PIEZO2: variants seen among roughly 807,000 people sequenced by gnomAD.
The protein encoded by PIEZO2 is piezo type mechanosensitive ion channel component 2.
A neutral mutation model predicts 337.3 loss-of-function variants in PIEZO2; 172 were observed. That is an observed-to-expected ratio of 0.51 (90% CI 0.45 to 0.58). The LOEUF is 0.58. Ranked by LOEUF, PIEZO2 falls within the 20% of genes least tolerant of loss-of-function variation. The pLI is 0.00. For synonymous variants in PIEZO2, 1,251 were observed against 1,228.5 expected (o/e 1.02, Z -0.38); for missense variants, 3,028 against 3,391.3 (o/e 0.89, Z 2.66).
intron 2 of PIEZO2, among the ~76,000 whole-genome samples, chr18:10,990,035 A>T (rs1301812501): frequency 6.6e-6 from 1 of 152,108 alleles, no homozygotes; most frequent in East Asian, 1.9e-4. Context: ...GGAATTGGAG[A>T]TATACTAATT....
chr18:10,974,597 A>G (rs2034366680), intron 3 of PIEZO2, among the ~76,000 whole-genome samples: 1 of 152,240 alleles, frequency 6.6e-6, no homozygotes, highest in Non-Finnish European at 1.5e-5. Context: ...CGATGAATAA[A>G]GAGCTCCGTA....
Position 10,682,669 on chromosome 18 carries a change from T to C in PIEZO2, c.7498-377A>G, listed in dbSNP as rs2034319608. ...GGGATTATGTGAGAGAAAGATACTTTACTTTCAATTCCTGAATATTTAAAA... is the reference window on the plus strand; with the variant it reads ...GGGATTATGTGAGAGAAAGATACTTCACTTTCAATTCCTGAATATTTAAAA... On this transcript the variant is annotated intron_variant, in intron 49 of 55. Transcript: ENST00000674853. The surrounding 1 kb of genome is among the most constrained non-coding windows in gnomAD (Gnocchi z 5.6). 6.6e-6 allele frequency among the ~76,000 whole-genome samples: 1 copy of C among 152,222 alleles called. No individual in the cohort carries two copies. Among genetic ancestry groups the C allele is most frequent in the Non-Finnish European group, 1.5e-5 (1 of 68,038 alleles).
At chr18:10,793,758 T>A (rs1165478354) in intron 13 of PIEZO2, among the ~76,000 whole-genome samples, 1 of 152,136 alleles carries the variant, frequency 6.6e-6, no homozygotes, top group Non-Finnish European at 1.5e-5. Context: ...GAAGCAGGCA[T>A]AGGAGTTTGG....
intron 4 of PIEZO2, among the ~76,000 whole-genome samples, chr18:10,902,513 T>C (rs1266193993): frequency 6.6e-6 from 1 of 152,218 alleles, no homozygotes; most frequent in Non-Finnish European, 1.5e-5. Context: ...TCTGTTTATA[T>C]GTCCAATGTT....
Position 11,004,268 on chromosome 18 carries a change from G to A in PIEZO2, c.161-24608C>T, listed in dbSNP as rs115561098. The stretch of plus-strand genomic sequence containing the variant: ...AGACTTCAGAGAGGAACAGAAGAGA[G>A]AGGAATTAATGTAGATATTTACCAG... On this transcript the variant is annotated intron_variant, in intron 2 of 55. Transcript: ENST00000674853. Among the ~76,000 whole-genome samples the A allele has an allele frequency of 3.7e-3, 564 of 152,274 alleles. 2 individuals carry two copies. The highest frequency in any genetic ancestry group is 0.013 in the African/African-American group (535 of 41,560).
intron 2 of PIEZO2, among the ~76,000 whole-genome samples, chr18:11,044,148 A>G (rs1371223635): frequency 7.4e-6 from 1 of 135,904 alleles, no homozygotes; most frequent in African/African-American, 3.0e-5. Flanking sequence ...GTGTTTGTGT[A>G]TACTAATATA....
At chr18:10,802,972 CAAAAAA>C (rs71362185) in intron 9 of PIEZO2, among the ~76,000 whole-genome samples, 1 of 127,532 alleles carries the variant, frequency 7.8e-6, no homozygotes, top group Non-Finnish European at 1.6e-5. Flanking sequence ...ACTCTGTTGC[CAAAAAA>C]AAAAAAAAAA....
At position 11,110,423 on chromosome 18, in the gene PIEZO2, G is replaced by A. The variant is rs2039695539; in HGVS notation, c.64+38102C>T. 6.6e-6 allele frequency among the ~76,000 whole-genome samples: 1 copy of A among 152,242 alleles called. No individual in the cohort carries two copies. The highest frequency in any genetic ancestry group is 2.4e-5 in the African/African-American group (1 of 41,470). On this transcript the variant is annotated intron_variant, in intron 1 of 55. Coordinates refer to ENST00000674853, the MANE Select transcript of PIEZO2 (RefSeq NM_001378183.1). The surrounding 1 kb of genome is among the most constrained non-coding windows in gnomAD (Gnocchi z 4.2). ...GGCCTCCCCCGCATTCTGGCTGACA[G>A]GGCTTCAGCATGGGCGCTGCGGCCT...
chr18:10,799,963 ACT>A (rs1250916463), intron 11 of PIEZO2, among the ~76,000 whole-genome samples: 1 of 101,912 alleles, frequency 9.8e-6, no homozygotes, highest in Non-Finnish European at 2.1e-5. Context: ...ACAGAGCGAG[ACT>A]CTGTCTCAAA....
chr18:11,058,135 T>C (rs1318626881), intron 2 of PIEZO2, among the ~76,000 whole-genome samples: 1 of 152,232 alleles, frequency 6.6e-6, no homozygotes, highest in Non-Finnish European at 1.5e-5. Context: ...CAGCAACATT[T>C]GCTGCTCACC....
At chr18:11,082,792 C>T (rs560594990) in intron 1 of PIEZO2, among the ~76,000 whole-genome samples, 2 of 152,092 alleles carry the variant, frequency 1.3e-5, no homozygotes, top group South Asian at 4.2e-4. Context: ...ATTACAACCC[C>T]GAAACCAAAG....
At position 10,967,268 on chromosome 18, in the gene PIEZO2, C is replaced by A. The variant is rs200645891; in HGVS notation, c.286+12267G>T. On this transcript the variant is annotated intron_variant, in intron 3 of 55. Coordinates refer to ENST00000674853, the MANE Select transcript of PIEZO2 (RefSeq NM_001378183.1). Reference sequence around the variant, plus strand: ...TCCTGACCTCATGATCCACCTGCCTCGGCCTCCCAAAGTGCTGGGATTACA... The same window carrying A: ...TCCTGACCTCATGATCCACCTGCCTAGGCCTCCCAAAGTGCTGGGATTACA... Among the ~76,000 whole-genome samples, 17 of 152,206 alleles carry A rather than the reference C, an allele frequency of 1.1e-4. No individual in the cohort carries two copies. The East Asian group carries it at 3.3e-3, about 29-fold the overall frequency.
chr18:10,873,666 G>A (rs776773838), intron 4 of PIEZO2, among the ~76,000 whole-genome samples: 2 of 151,940 alleles, frequency 1.3e-5, no homozygotes, highest in African/African-American at 4.8e-5. Flanking sequence ...ATGTTTCCAC[G>A]TATTTGTTAC....
At chr18:10,714,410 A>G (rs1385337354) in intron 39 of PIEZO2, among the ~76,000 whole-genome samples, 1 of 152,242 alleles carries the variant, frequency 6.6e-6, no homozygotes, top group Non-Finnish European at 1.5e-5. Context: ...CTAATGTAGA[A>G]GACACTGTGG....
In PIEZO2 at chr18:11,127,753, CAT is replaced by C. The variant is rs1187335894; in HGVS notation, c.64+20770_64+20771del. Among the ~76,000 whole-genome samples, 1 of 149,116 alleles carries C rather than the reference CAT, an allele frequency of 6.7e-6. No individual in the cohort carries two copies. Among genetic ancestry groups the C allele is most frequent in the East Asian group, 2.0e-4 (1 of 5,084 alleles). ...TATATATGTATGTGTATATATATGACATATATAGGTATATATGATATATATGC... is the reference window on the plus strand; with the variant it reads ...TATATATGTATGTGTATATATATGACATATAGGTATATATGATATATATGC... On this transcript the variant is annotated intron_variant, in intron 1 of 55. Coordinates refer to ENST00000674853, the MANE Select transcript of PIEZO2 (RefSeq NM_001378183.1). The surrounding 1 kb of genome is among the most constrained non-coding windows in gnomAD (Gnocchi z 4.5).
chr18:11,066,254 G>A (rs777833434), intron 1 of PIEZO2, 32 bp from the exon 2 acceptor site: 65 of 1,500,786 alleles, frequency 4.3e-5, no homozygotes, highest in Non-Finnish European at 5.3e-5. Flanking sequence ...AGAGTGAGAA[G>A]ATCATTAACA....
rs1237923404 is a variant in PIEZO2 at position 10,974,935 on chromosome 18, G to GCA, written c.286+4598_286+4599dup. ...TCAGCTCCTCCTCAGGCTGGGGCCTGCACACAGAGCACAGGGGTCCAGCTG... is the reference window on the plus strand; with the variant it reads ...TCAGCTCCTCCTCAGGCTGGGGCCTGCACACACAGAGCACAGGGGTCCAGCTG... On this transcript the variant is annotated intron_variant, in intron 3 of 55. Coordinates refer to ENST00000674853, the MANE Select transcript of PIEZO2 (RefSeq NM_001378183.1). Among the ~76,000 whole-genome samples the GCA allele has an allele frequency of 3.3e-5, 5 of 152,216 alleles. No homozygotes were observed. The East Asian group carries it at 9.6e-4, about 29-fold the overall frequency.
Position 10,859,217 on chromosome 18 carries a change from G to T in PIEZO2, c.493-2006C>A, listed in dbSNP as rs774603385. On this transcript the variant is annotated intron_variant, in intron 5 of 55. Transcript: ENST00000674853. The surrounding 1 kb of genome is among the most constrained non-coding windows in gnomAD (Gnocchi z 4.9). ...TGAAAGTCCTGGCAAAGTGCATTCC[G>T]GGTGGAGGAAAGAGCTGGTCCAAGG... 3.3e-5 allele frequency among the ~76,000 whole-genome samples: 5 copies of T among 152,298 alleles called. No homozygotes were observed. Among genetic ancestry groups the T allele is most frequent in the South Asian group, 4.1e-4 (2 of 4,824 alleles).
rs1195526909 is a variant in PIEZO2 at position 10,759,097 on chromosome 18, TC to T, written c.3757+384del. 6.6e-6 allele frequency among the ~76,000 whole-genome samples: 1 copy of T among 152,074 alleles called. No individual in the cohort carries two copies. The highest frequency in any genetic ancestry group is 2.4e-5 in the African/African-American group (1 of 41,412). ...GGGAAGCATCTCCCAGCATCCACTG[TC>T]CCATGTTCAGGGTTTATTTATCTGC... On this transcript the variant is annotated intron_variant, in intron 26 of 55. Transcript: ENST00000674853. This position sits in a 1 kb window ranked among gnomAD's most constrained non-coding sequence, Gnocchi z 5.5.
Sources: gnomAD v4.1 joint callset for allele counts (sites outside exome capture counted in the v4.1 genomes callset) on GRCh38, gnomAD v4.1.1 for gene constraint, Gnocchi (gnomAD v3.1) non-coding constraint, MANE v1.5 for transcripts, NCBI Gene and HGNC (gene_info 2026-07-23, HGNC 2026-07-21) for gene names.